Variants in ADCY2 observed in about 807,000 individuals in gnomAD.
The protein encoded by ADCY2 is adenylate cyclase type 2.
ADCY2 carries 31 observed loss-of-function variants against 125.2 expected under a neutral mutation model. The ratio of observed to expected loss-of-function variants is 0.25; its 90% CI spans 0.19 to 0.33. ADCY2 has a LOEUF of 0.33. ADCY2 is among the 10% of genes least tolerant of loss of function. The pLI, the probability that ADCY2 is intolerant of heterozygous loss-of-function variation, is 1.00. For synonymous variants in ADCY2, 512 were observed against 548.4 expected, an observed-to-expected ratio of 0.93 and a Z score of 0.93; for missense variants, 904 against 1,418.2, an observed-to-expected ratio of 0.64 and a Z score of 5.82.
chr5:7,553,387 C>T (rs114630893), intron 3 of ADCY2, among the ~76,000 whole-genome samples: 4,516 of 152,250 alleles, frequency 0.03, 232 homozygotes, highest in African/African-American at 0.1. Flanking sequence ...AAGGCCCTTC[C>T]GGGCTCTCTA....
intron 2 of ADCY2, among the ~76,000 whole-genome samples, chr5:7,501,644 C>A (rs1579509399): frequency 2.7e-5 from 2 of 73,338 alleles, no homozygotes; most frequent in Non-Finnish European, 6.3e-5. Flanking sequence ...GAGATTCCCC[C>A]CTCCCCCCCC....
At chr5:7,551,033 C>A (rs377077724) in intron 3 of ADCY2, among the ~76,000 whole-genome samples, 4 of 148,706 alleles carry the variant, frequency 2.7e-5, no homozygotes, top group African/African-American at 1.0e-4. Context: ...TCCCTCCCTC[C>A]CTTCCTCCCT....
chr5:7,589,464 A>AAG (rs1260569963), intron 3 of ADCY2, among the ~76,000 whole-genome samples: 1 of 50,762 alleles, frequency 2.0e-5, no homozygotes, highest in East Asian at 1.1e-3. Flanking sequence ...AAGAAAAAGA[A>AAG]AGAAAGAAAG....
intron 3 of ADCY2, among the ~76,000 whole-genome samples, chr5:7,524,353 G>C (rs1386960978): frequency 6.6e-6 from 1 of 152,114 alleles, no homozygotes; most frequent in African/African-American, 2.4e-5. Context: ...AAGCTTTAGT[G>C]TGTATTACTA....
At chr5:7,418,352 G>A (rs114939826) in intron 2 of ADCY2, among the ~76,000 whole-genome samples, 2,488 of 152,232 alleles carry the variant, frequency 0.016, 76 homozygotes, top group African/African-American at 0.057. Context: ...TGCCGCCTGG[G>A]GATGTTTCTG....
chr5:7,776,039 C>A (rs1743714210), intron 18 of ADCY2, among the ~76,000 whole-genome samples: 1 of 152,158 alleles, frequency 6.6e-6, no homozygotes, highest in South Asian at 2.1e-4. Context: ...CCCTGTGACT[C>A]ATGCCAGAGG....
At chr5:7,766,372 T>C (rs1464397572) in intron 16 of ADCY2, among the ~76,000 whole-genome samples, 2 of 152,232 alleles carry the variant, frequency 1.3e-5, no homozygotes, top group African/African-American at 4.8e-5. Context: ...TATGGTGATA[T>C]TGGCTTCAAA....
chr5:7,662,287 A>C (rs1739559622), intron 4 of ADCY2, among the ~76,000 whole-genome samples: 1 of 152,236 alleles, frequency 6.6e-6, no homozygotes. Context: ...AAAATTTAGC[A>C]TCCATCAGTG....
At chr5:7,418,645 C>CGGTT (rs1740052870) in intron 2 of ADCY2, among the ~76,000 whole-genome samples, 2 of 92,508 alleles carry the variant, frequency 2.2e-5, no homozygotes, top group Non-Finnish European at 4.4e-5. Context: ...AGTCTACCTT[C>CGGTT]TGTTTTTTTT....
chr5:7,790,265 G>T (rs564090202), intron 20 of ADCY2, among the ~76,000 whole-genome samples: 1 of 152,230 alleles, frequency 6.6e-6, no homozygotes, highest in South Asian at 2.1e-4. Context: ...GCCTTCCAAG[G>T]CTCTTAGAAT....
chr5:7,483,966 G>A (rs552822895), intron 2 of ADCY2, among the ~76,000 whole-genome samples: 23 of 152,268 alleles, frequency 1.5e-4, no homozygotes, highest in Admixed American at 1.3e-3. Flanking sequence ...ATGTTATTGA[G>A]CTCCGATTGA....
chr5:7,420,325 T>A (rs1467189899), intron 2 of ADCY2, among the ~76,000 whole-genome samples: 1 of 152,128 alleles, frequency 6.6e-6, no homozygotes, highest in Non-Finnish European at 1.5e-5. Flanking sequence ...ACGGCACGAC[T>A]GAAGAGTGAT....
At chr5:7,630,083 C>T (rs1008106303) in intron 4 of ADCY2, among the ~76,000 whole-genome samples, 1 of 152,010 alleles carries the variant, frequency 6.6e-6, no homozygotes, top group East Asian at 1.9e-4. Flanking sequence ...ACTAGTCGGG[C>T]GAGGCTCAGA....
chr5:7,733,345 G>C (rs551580351), intron 14 of ADCY2, among the ~76,000 whole-genome samples: 4 of 152,316 alleles, frequency 2.6e-5, no homozygotes, highest in Admixed American at 6.5e-5. Flanking sequence ...AGGTTGTACA[G>C]AGTGATGTAG....
intron 4 of ADCY2, among the ~76,000 whole-genome samples, chr5:7,677,910 A>G (rs1220582718): frequency 6.6e-6 from 1 of 152,170 alleles, no homozygotes; most frequent in East Asian, 1.9e-4. Flanking sequence ...AGAATAACAC[A>G]TTATTTTCCT....
At chr5:7,397,279 A>G (rs80275691) in intron 1 of ADCY2, among the ~76,000 whole-genome samples, 1,928 of 151,960 alleles carry the variant, frequency 0.013, 41 homozygotes, top group African/African-American at 0.045. Context: ...GCCAGTTTAT[A>G]TTTTTCAAGC....
chr5:7,801,451 G>A (rs1235214836), intron 20 of ADCY2: 2 of 152,218 alleles, frequency 1.3e-5, no homozygotes, highest in East Asian at 1.9e-4. Context: ...CATCTCAGGG[G>A]TCTGAGGACC....
At chr5:7,660,787 TA>T (rs11395291) in intron 4 of ADCY2, among the ~76,000 whole-genome samples, 1 of 150,674 alleles carries the variant, frequency 6.6e-6, no homozygotes, top group African/African-American at 2.4e-5. Context: ...AATCACATGT[TA>T]AAAAAAAAAT....
chr5:7,729,932 A>G (rs1463976389), intron 14 of ADCY2, among the ~76,000 whole-genome samples: 1 of 151,746 alleles, frequency 6.6e-6, no homozygotes, highest in Non-Finnish European at 1.5e-5. Flanking sequence ...TTTTTGTTAC[A>G]TGGATGAATG....
Sources: gnomAD v4.1 joint callset for allele counts (sites outside exome capture counted in the v4.1 genomes callset) on GRCh38, gnomAD v4.1.1 for gene constraint, MANE v1.5 for transcripts, NCBI Gene and HGNC (gene_info 2026-07-23, HGNC 2026-07-21) for gene names.